The following RNF220 variants were observed in gnomAD, a reference collection of about 807,000 sequenced individuals.
RNF220 encodes the protein E3 ubiquitin-protein ligase RNF220.
Under a neutral mutation model 67.1 loss-of-function variants are expected in RNF220, and 7 were observed. The ratio of observed to expected loss-of-function variants is 0.10; its 90% confidence interval spans 0.06 to 0.20. RNF220 has a LOEUF of 0.20. Ranked by LOEUF, RNF220 falls within the 10% of genes least tolerant of loss-of-function variation. The pLI is 1.00. For synonymous variants in RNF220, 270 were observed against 283.2 expected (o/e 0.95, Z 0.47); for missense variants, 565 against 740.3 (o/e 0.76, Z 2.75).
intron 2 of RNF220, among the ~76,000 whole-genome samples, chr1:44,434,434 C>T (rs908834228): frequency 1.3e-5 from 2 of 152,004 alleles, no homozygotes; most frequent in Admixed American, 6.6e-5. Context: ...TTGGGCTGGG[C>T]GCGGTGGCTC....
At chr1:44,462,239 A>G (rs1434400238) in intron 2 of RNF220, among the ~76,000 whole-genome samples, 1 of 150,384 alleles carries the variant, frequency 6.6e-6, no homozygotes, top group Non-Finnish European at 1.5e-5. Flanking sequence ...GGACATATAT[A>G]TATTTTTTAA....
intron 2 of RNF220, among the ~76,000 whole-genome samples, chr1:44,488,727 CTTTTTT>C (rs55968850): frequency 9.7e-6 from 1 of 102,566 alleles, no homozygotes; most frequent in Admixed American, 1.2e-4. Flanking sequence ...TTTCTTTTTT[CTTTTTT>C]TTTTTTTTTT....
chr1:44,601,708 G>A lies in RNF220; in HGVS notation c.626-12457G>A, dbSNP rs754739042. 1.1e-4 allele frequency among the ~76,000 whole-genome samples: 17 copies of A among 152,274 alleles called. 1 individual carries two copies. The highest frequency in any genetic ancestry group is 3.4e-3 in the Middle Eastern group (1 of 294). On this transcript the variant is annotated intron_variant, in intron 2 of 14. Transcript: ENST00000361799. ...CAGAGAGAGGGGGACAGGAGATGGC[G>A]AGGCGGCTCAAGATAGTAAAATATT...
intron 2 of RNF220, among the ~76,000 whole-genome samples, chr1:44,489,301 T>A (rs1656636631): frequency 6.6e-6 from 1 of 152,184 alleles, no homozygotes; most frequent in African/African-American, 2.4e-5. Context: ...ATAAGTAGCA[T>A]CAGACAAGCA....
chr1:44,611,618 C>A (rs532345611), intron 2 of RNF220, among the ~76,000 whole-genome samples: 1 of 152,206 alleles, frequency 6.6e-6, no homozygotes, highest in Non-Finnish European at 1.5e-5. Flanking sequence ...AGCATCACCT[C>A]GCCCACAGAT....
intron 2 of RNF220, among the ~76,000 whole-genome samples, chr1:44,430,701 C>T (rs1047799695): frequency 5.3e-5 from 8 of 152,176 alleles, no homozygotes; most frequent in African/African-American, 1.7e-4. Flanking sequence ...CCTGCCACCA[C>T]ACCTGGCTAA....
intron 2 of RNF220, among the ~76,000 whole-genome samples, chr1:44,555,456 C>A (rs532830913): frequency 6.6e-6 from 1 of 152,028 alleles, no homozygotes; most frequent in Non-Finnish European, 1.5e-5. Flanking sequence ...CTATACTGAA[C>A]GTACCAATTT....
intron 8 of RNF220, among the ~76,000 whole-genome samples, chr1:44,640,715 G>A (rs889958944): frequency 1.3e-5 from 2 of 152,170 alleles, no homozygotes; most frequent in Non-Finnish European, 2.9e-5. Context: ...ACTGCAGGCC[G>A]ATTGATTGTC....
At chr1:44,522,039 T>C (rs977478188) in intron 2 of RNF220, among the ~76,000 whole-genome samples, 1 of 152,214 alleles carries the variant, frequency 6.6e-6, no homozygotes, top group African/African-American at 2.4e-5. Flanking sequence ...CAAAGCAAGA[T>C]GGCCGCAACT....
At chr1:44,435,160 A>G (rs549117238) in intron 2 of RNF220, among the ~76,000 whole-genome samples, 2 of 152,352 alleles carry the variant, frequency 1.3e-5, no homozygotes, top group Admixed American at 1.3e-4. Context: ...CTAAAAAAAC[A>G]CCAAAAAATC....
In RNF220 at chr1:44,417,248, G is replaced by A. The variant is rs985416129; in HGVS notation, c.625+4526G>A. On this transcript the variant is annotated intron_variant, in intron 2 of 14. Coordinates refer to ENST00000361799, the MANE Select transcript of RNF220 (RefSeq NM_018150.4). This position sits in a 1 kb window ranked among gnomAD's most constrained non-coding sequence, Gnocchi z 4.0. The stretch of plus-strand genomic sequence containing the variant: ...GCCTGACTCTCCCTCAGCTGCTCCC[G>A]GGTTCTCCCCTACTCCCCGGGGGCA... 1.3e-5 allele frequency among the ~76,000 whole-genome samples: 2 copies of A among 152,162 alleles called. No homozygotes were observed. The highest frequency in any genetic ancestry group is 2.9e-5 in the Non-Finnish European group (2 of 68,014).
chr1:44,523,106 G>A (rs1156929489), intron 2 of RNF220, among the ~76,000 whole-genome samples: 1 of 152,214 alleles, frequency 6.6e-6, no homozygotes. Flanking sequence ...AGGGGCTCTG[G>A]GCTGTGGGGT....
intron 2 of RNF220, among the ~76,000 whole-genome samples, chr1:44,543,922 G>A (rs987010970): frequency 2.0e-5 from 3 of 152,162 alleles, no homozygotes; most frequent in African/African-American, 7.2e-5. Context: ...GCGAGTGGTG[G>A]AGCAAGCAGC....
At position 44,645,494 on chromosome 1, in the gene RNF220, T is replaced by C; in HGVS notation, c.1445+6T>C. ...AAGAACAGCGACATCGAGAAGTAAG[T>C]GTTTGGCCAGGAGAGAGCCCTGGGA... On this transcript the variant is annotated splice_donor_region_variant and intron_variant, in intron 12 of 14. Transcript: ENST00000361799. This position sits in a 1 kb window ranked among gnomAD's most constrained non-coding sequence, Gnocchi z 5.0. 6.2e-7 allele frequency: 1 copy of C among 1,612,224 alleles called. No homozygotes were observed. Among genetic ancestry groups the C allele is most frequent in the Non-Finnish European group, 8.5e-7 (1 of 1,179,448 alleles).
intron 2 of RNF220, among the ~76,000 whole-genome samples, chr1:44,595,009 T>C (rs755780356): frequency 2.8e-4 from 42 of 152,222 alleles, no homozygotes; most frequent in Non-Finnish European, 4.4e-4. Context: ...CTCCCCACTA[T>C]GGAGCCGTTT....
In RNF220 at chr1:44,624,931, T is replaced by G. The variant is rs1643895316; in HGVS notation, c.805-1366T>G. Among the ~76,000 whole-genome samples the G allele has an allele frequency of 6.6e-6, 1 of 152,192 alleles. No individual in the cohort carries two copies. The highest frequency in any genetic ancestry group is 1.5e-5 in the Non-Finnish European group (1 of 68,038). On this transcript the variant is annotated intron_variant, in intron 4 of 14. Coordinates refer to ENST00000361799, the MANE Select transcript of RNF220 (RefSeq NM_018150.4). This position sits in a 1 kb window ranked among gnomAD's most constrained non-coding sequence, Gnocchi z 4.2. ...TTTTCAAAACACATTTTACTGCTTT[T>G]TGGTCCATGTTTAAAAAGCACCAGT...
intron 2 of RNF220, among the ~76,000 whole-genome samples, chr1:44,562,935 A>G (rs1487471806): frequency 6.6e-6 from 1 of 152,214 alleles, no homozygotes; most frequent in Admixed American, 6.5e-5. Flanking sequence ...TTGGAAATAC[A>G]GTCAAGAATT....
chr1:44,428,669 C>G (rs959633510), intron 2 of RNF220, among the ~76,000 whole-genome samples: 1 of 152,266 alleles, frequency 6.6e-6, no homozygotes, highest in South Asian at 2.1e-4. Flanking sequence ...TCCCTCTTTC[C>G]GACTTCGCAT....
At chr1:44,582,449 T>C (rs553478109) in intron 2 of RNF220, among the ~76,000 whole-genome samples, 4 of 152,064 alleles carry the variant, frequency 2.6e-5, no homozygotes, top group African/African-American at 4.8e-5. Context: ...CAAAGCCAAG[T>C]AAAAAATTCA....
Sources: gnomAD v4.1 joint callset for allele counts (sites outside exome capture counted in the v4.1 genomes callset) on GRCh38, gnomAD v4.1.1 for gene constraint, Gnocchi (gnomAD v3.1) non-coding constraint, MANE v1.5 for transcripts, NCBI Gene and HGNC (gene_info 2026-07-23, HGNC 2026-07-21) for gene names.